Variants in TSHZ2 observed in about 807,000 individuals in gnomAD.
TSHZ2 encodes teashirt zinc finger homeobox 2.
A neutral mutation model predicts 74.4 loss-of-function variants in TSHZ2; 21 were observed. That is an observed-to-expected ratio of 0.28 (90% CI 0.20 to 0.41). The LOEUF (loss-of-function observed/expected upper bound fraction) is 0.41, where lower values mean the gene tolerates loss of function less well. TSHZ2 is among the 10% of genes least tolerant of loss of function. The pLI is 1.00. For synonymous variants in TSHZ2, 540 were observed against 515.3 expected, an observed-to-expected ratio of 1.05 and a Z score of -0.65; for missense variants, 1,244 against 1,293.5, an observed-to-expected ratio of 0.96 and a Z score of 0.59.
At chr20:53,443,975 G>C (rs1984445165) in intron 2 of TSHZ2, among the ~76,000 whole-genome samples, 1 of 152,150 alleles carries the variant, frequency 6.6e-6, no homozygotes, top group Non-Finnish European at 1.5e-5. Context: ...ACTGAAGAGA[G>C]GTTTGGAGAG....
rs939891321 is a variant in TSHZ2, at chr20:53,493,380, C to A, written c.*6245C>A. ...AACCAACTTCCTAATTCAGAGTTTT[C>A]CTTTTAAAGGCATGCTTTACCCCCA... On this transcript the variant is annotated 3_prime_UTR_variant, in exon 3 of 3. Coordinates refer to ENST00000371497, the MANE Select transcript of TSHZ2 (RefSeq NM_173485.6). The A allele has an allele frequency of 6.6e-6, 1 of 152,192 alleles. No homozygotes were observed. The highest frequency in any genetic ancestry group is 2.1e-4 in the South Asian group (1 of 4,832). The allele number at this position is 152,192 out of a possible 1,614,324, so 9.4% of individuals were successfully genotyped here. A position where few individuals can be genotyped will look rare whatever the true frequency, so the allele number is the denominator to read the frequency against.
chr20:53,377,031 C>T (rs1010371453), intron 2 of TSHZ2, among the ~76,000 whole-genome samples: 1 of 152,158 alleles, frequency 6.6e-6, no homozygotes, highest in Non-Finnish European at 1.5e-5. Flanking sequence ...GTCAGTGTGC[C>T]TCACAGAATC....
intron 1 of TSHZ2, among the ~76,000 whole-genome samples, chr20:52,987,431 TC>T (rs1981811774): frequency 6.6e-6 from 1 of 151,902 alleles, no homozygotes; most frequent in Non-Finnish European, 1.5e-5. Flanking sequence ...TTATATAAGT[TC>T]CCTTTTTTTA....
intron 2 of TSHZ2, among the ~76,000 whole-genome samples, chr20:53,278,132 G>A (rs6097329): frequency 0.027 from 4,037 of 152,060 alleles, 165 homozygotes; most frequent in African/African-American, 0.092. Context: ...CCTTATATTA[G>A]CCTTTCTCAT....
At chr20:53,036,504 AAC>A (rs1242261885) in intron 1 of TSHZ2, among the ~76,000 whole-genome samples, 3 of 151,416 alleles carry the variant, frequency 2.0e-5, no homozygotes, top group East Asian at 3.9e-4. Context: ...CACATATATA[AAC>A]ACATATATTA....
chr20:53,196,714 T>C (rs1476929019), intron 1 of TSHZ2, among the ~76,000 whole-genome samples: 6 of 152,152 alleles, frequency 3.9e-5, no homozygotes, highest in South Asian at 2.1e-4. Context: ...TCACACAACA[T>C]GTGGGTCAGT....
intron 1 of TSHZ2, among the ~76,000 whole-genome samples, chr20:53,215,207 G>T (rs905433996): frequency 6.6e-6 from 1 of 152,034 alleles, no homozygotes. Flanking sequence ...ACTTTTCCAC[G>T]TGGCAAACAC....
chr20:53,063,273 A>G (rs1006096618), intron 1 of TSHZ2, among the ~76,000 whole-genome samples: 1 of 152,202 alleles, frequency 6.6e-6, no homozygotes, highest in African/African-American at 2.4e-5. Flanking sequence ...CTGAAGCACA[A>G]TAAAATGAAG....
chr20:53,072,701 T>C (rs1247170758), intron 1 of TSHZ2, among the ~76,000 whole-genome samples: 1 of 152,312 alleles, frequency 6.6e-6, no homozygotes, highest in Non-Finnish European at 1.5e-5. Context: ...CCCTAGAAGG[T>C]TTTCCAAGAC....
chr20:53,101,410 G>T (rs1161064843), intron 1 of TSHZ2, among the ~76,000 whole-genome samples: 1 of 152,106 alleles, frequency 6.6e-6, no homozygotes, highest in Non-Finnish European at 1.5e-5. Flanking sequence ...GCAAATCTCA[G>T]GGAAAACCAA....
rs763906837 is a variant in TSHZ2 at position 53,253,568 on chromosome 20, G to C, written c.110G>C (p.Gly37Ala). 1.2e-5 allele frequency: 20 copies of C among 1,613,850 alleles called. No individual in the cohort carries two copies. The highest frequency in any genetic ancestry group is 1.7e-5 in the Non-Finnish European group (20 of 1,179,962). The change falls in exon 2 of 3, where the codon GGT becomes GCT. Residue 37 changes from glycine (G) to alanine (A), a missense_variant. Transcript: ENST00000371497. ...GAAGAGGAGGAGGAGGAGGACAGCG[G>C]TTCAGTAGCTCAACTGCAGGGTGGC... The part of the protein sequence containing the change: ...IKEEEEEEDS[G>A]SVAQLQGGND...
intron 2 of TSHZ2, among the ~76,000 whole-genome samples, chr20:53,428,172 G>T (rs1983722720): frequency 6.6e-6 from 1 of 152,198 alleles, no homozygotes; most frequent in South Asian, 2.1e-4. Flanking sequence ...GCTGGCCCAG[G>T]TCATGTGGAA....
rs151180909 is a variant in TSHZ2, at chr20:53,184,032, A to G, written c.41-69467A>G. Reference sequence around the variant, plus strand: ...CAGAAGACGTGCAATGCCAAGGCCAACAGTCAGTTCCCTCTCAGTCGCTTC... The same window carrying G: ...CAGAAGACGTGCAATGCCAAGGCCAGCAGTCAGTTCCCTCTCAGTCGCTTC... On this transcript the variant is annotated intron_variant, in intron 1 of 2. Coordinates refer to ENST00000371497, the MANE Select transcript of TSHZ2 (RefSeq NM_173485.6). Among the ~76,000 whole-genome samples, 40 of 152,342 alleles carry G rather than the reference A, an allele frequency of 2.6e-4. No individual in the cohort carries two copies. In the East Asian group the frequency reaches 4.2e-3, roughly 16 times the overall value.
At chr20:53,352,331 C>T (rs1228466861) in intron 2 of TSHZ2, among the ~76,000 whole-genome samples, 1 of 146,956 alleles carries the variant, frequency 6.8e-6, no homozygotes, top group Non-Finnish European at 1.5e-5. Flanking sequence ...CAACATCATT[C>T]TCCACAAAAT....
Position 53,256,373 on chromosome 20 carries a change from C to T in TSHZ2, c.2915C>T (p.Ser972Phe), listed in dbSNP as rs368192582. 3 of 1,613,302 alleles carry T rather than the reference C, an allele frequency of 1.9e-6. No individual in the cohort carries two copies. The African/African-American group carries it at 4.0e-5, about 22-fold the overall frequency. ...DQQSKVEQEISRVSSAQRSPE... is the reference protein window; with the variant it reads ...DQQSKVEQEIFRVSSAQRSPE... ...CAAAGCAAGGTGGAGCAAGAGATCT[C>T]CCGGGTATCGTCGGCTCAGAGGTCT... Residue 972 changes from serine to phenylalanine, a missense_variant, in exon 2 of 3, where the codon TCC (serine) becomes TTC (phenylalanine). By Grantham distance (155) the Ser-to-Phe change is radical. This residue lies in a region of TSHZ2 where 185 missense variants were observed against 213.3 expected (regional missense o/e 0.87). Coordinates refer to ENST00000371497, the MANE Select transcript of TSHZ2 (RefSeq NM_173485.6). The surrounding 1 kb of genome is among the most constrained non-coding windows in gnomAD (Gnocchi z 4.3).
intron 1 of TSHZ2, among the ~76,000 whole-genome samples, chr20:53,190,511 GT>G (rs1354221233): frequency 6.6e-6 from 1 of 151,940 alleles, no homozygotes; most frequent in Non-Finnish European, 1.5e-5. Flanking sequence ...CAGAGGTGCC[GT>G]TTTCAACAAA....
intron 2 of TSHZ2, among the ~76,000 whole-genome samples, chr20:53,290,899 T>C (rs1991265288): frequency 6.6e-6 from 1 of 152,234 alleles, no homozygotes; most frequent in Non-Finnish European, 1.5e-5. Flanking sequence ...TGCCATTTGT[T>C]TACATATTGT....
At chr20:53,077,380 C>T (rs567642505) in intron 1 of TSHZ2, among the ~76,000 whole-genome samples, 1 of 147,298 alleles carries the variant, frequency 6.8e-6, no homozygotes, top group African/African-American at 2.5e-5. Flanking sequence ...CACTGCACTG[C>T]AGCCAGGATG....
In TSHZ2 at chr20:53,032,692, G is replaced by A. The variant is rs1311815699; in HGVS notation, c.40+59359G>A. Among the ~76,000 whole-genome samples the A allele has an allele frequency of 2.0e-5, 3 of 152,160 alleles. No homozygotes were observed. In the East Asian group the frequency reaches 5.8e-4, roughly 29 times the overall value. ...GATTCAGTTTGATGGGGATTTGTGAGAACCGATGAGGAGGCGTAAAGATTT... is the reference window on the plus strand; with the variant it reads ...GATTCAGTTTGATGGGGATTTGTGAAAACCGATGAGGAGGCGTAAAGATTT... On this transcript the variant is annotated intron_variant, in intron 1 of 2. Transcript: ENST00000371497.
Sources: allele counts gnomAD v4.1 joint callset (sites outside exome capture counted in the v4.1 genomes callset), GRCh38; gene constraint gnomAD v4.1.1; regional missense constraint gnomAD v4.1.1; non-coding constraint Gnocchi (gnomAD v3.1); transcripts MANE v1.5; gene names NCBI Gene and HGNC (gene_info 2026-07-23, HGNC 2026-07-21).